PTPRR: variants seen among roughly 807,000 people sequenced by gnomAD.
PTPRR encodes protein tyrosine phosphatase receptor type R.
PTPRR carries 38 observed loss-of-function variants against 77.2 expected under a neutral mutation model. That is an observed-to-expected ratio of 0.49 (90% CI 0.38 to 0.65). PTPRR has a LOEUF of 0.65. Among genes scored for constraint, PTPRR ranks in the 30% least tolerant of loss-of-function variants. The pLI is 0.00. For missense variants in PTPRR, 744 were observed against 799.2 expected (o/e 0.93, Z 0.83); for synonymous variants, 299 against 283.1 (o/e 1.06, Z -0.57).
At chr12:70,805,544 A>G (rs1481280897) in intron 2 of PTPRR, among the ~76,000 whole-genome samples, 1 of 152,044 alleles carries the variant, frequency 6.6e-6, no homozygotes, top group African/African-American at 2.4e-5. Context: ...AAACTTGTGC[A>G]GAGATAGAGT....
intron 10 of PTPRR, among the ~76,000 whole-genome samples, chr12:70,670,507 T>G (rs1166952825): frequency 1.3e-5 from 2 of 152,230 alleles, no homozygotes; most frequent in Non-Finnish European, 2.9e-5. Context: ...ATAAACTGAA[T>G]TTATGTGTGT....
In PTPRR at chr12:70,663,945, A is replaced by G. The variant is rs185607223; in HGVS notation, c.1498-1340T>C. ...TTAAAAGAGCAGCAAAAGACTCACA[A>G]AATTATAGAACTGAAGGAAAAGTGA... On this transcript the variant is annotated intron_variant, in intron 10 of 13. Coordinates refer to ENST00000283228, the MANE Select transcript of PTPRR (RefSeq NM_002849.4). Among the ~76,000 whole-genome samples, 562 of 152,306 alleles carry G rather than the reference A, an allele frequency of 3.7e-3. 3 individuals carry two copies. Among genetic ancestry groups the G allele is most frequent in the African/African-American group, 0.013 (551 of 41,554 alleles).
intron 13 of PTPRR, among the ~76,000 whole-genome samples, chr12:70,640,912 T>C (rs1265969702): frequency 6.6e-6 from 1 of 152,140 alleles, no homozygotes; most frequent in Non-Finnish European, 1.5e-5. Context: ...AAATTCACAG[T>C]TTTTGGTGAC....
chr12:70,733,439 A>C (rs1889738014), intron 6 of PTPRR, among the ~76,000 whole-genome samples: 1 of 94,142 alleles, frequency 1.1e-5, no homozygotes, highest in African/African-American at 4.0e-5. Flanking sequence ...AAAAAAAAAA[A>C]AAAAAAGAAA....
Position 70,701,308 on chromosome 12 carries a change from T to C in PTPRR, c.1023A>G (p.Val341=). The change falls in exon 7 of 14, where the codon GTA becomes GTG. Residue 341 remains valine (V), a synonymous_variant. Coordinates refer to ENST00000283228, the MANE Select transcript of PTPRR (RefSeq NM_002849.4). The part of the protein sequence containing the change: ...IGLQERRGSN[V]SLTLDMSSLG... Reference sequence around the variant, plus strand: ...AGCTACTCATGTCCAATGTAAGAGATACGTTGGACCCTCTTCTACATTGGA... The same window carrying C: ...AGCTACTCATGTCCAATGTAAGAGACACGTTGGACCCTCTTCTACATTGGA... 6.2e-7 allele frequency: 1 copy of C among 1,613,850 alleles called. No individual in the cohort carries two copies. The highest frequency in any genetic ancestry group is 8.5e-7 in the Non-Finnish European group (1 of 1,179,844).
intron 2 of PTPRR, among the ~76,000 whole-genome samples, chr12:70,772,425 A>G (rs1046215071): frequency 6.6e-6 from 1 of 152,206 alleles, no homozygotes; most frequent in African/African-American, 2.4e-5. Flanking sequence ...AGGAAATACC[A>G]TAATATATCC....
intron 2 of PTPRR, among the ~76,000 whole-genome samples, chr12:70,869,876 C>T (rs1212337962): frequency 6.6e-6 from 1 of 152,176 alleles, no homozygotes; most frequent in Non-Finnish European, 1.5e-5. Context: ...ACTTCCAGAA[C>T]TATAAGATAA....
At chr12:70,906,591 TGTTA>T (rs2137132187) in intron 1 of PTPRR, among the ~76,000 whole-genome samples, 1 of 152,154 alleles carries the variant, frequency 6.6e-6, no homozygotes, top group Non-Finnish European at 1.5e-5. Flanking sequence ...TGACAACCAA[TGTTA>T]GTTAGGATAA....
chr12:70,808,983 A>G (rs1386656046), intron 2 of PTPRR, among the ~76,000 whole-genome samples: 3 of 152,038 alleles, frequency 2.0e-5, no homozygotes, highest in Admixed American at 2.0e-4. Context: ...TTCTATGTGG[A>G]GATAGTATAG....
chr12:70,799,705 A>C (rs927593267), intron 2 of PTPRR, among the ~76,000 whole-genome samples: 1 of 152,228 alleles, frequency 6.6e-6, no homozygotes, highest in Admixed American at 6.5e-5. Flanking sequence ...AGAGCACTCT[A>C]AATGTTTGAT....
intron 6 of PTPRR, among the ~76,000 whole-genome samples, chr12:70,737,272 G>T (rs1379448836): frequency 6.6e-6 from 1 of 151,982 alleles, no homozygotes; most frequent in Non-Finnish European, 1.5e-5. Flanking sequence ...CCACCTCTTT[G>T]CTTGTCCTCT....
chr12:70,763,210 C>T (rs1055791381), intron 3 of PTPRR, among the ~76,000 whole-genome samples: 8 of 152,016 alleles, frequency 5.3e-5, no homozygotes, highest in African/African-American at 1.4e-4. Flanking sequence ...CTCACTGCAA[C>T]TTCCACCTCC....
At chr12:70,786,593 C>T (rs777456400) in intron 2 of PTPRR, among the ~76,000 whole-genome samples, 1 of 152,070 alleles carries the variant, frequency 6.6e-6, no homozygotes, top group African/African-American at 2.4e-5. Context: ...GCACAGAGAC[C>T]ACACAAGCTC....
chr12:70,913,929 A>G (rs2137139199), intron 1 of PTPRR, among the ~76,000 whole-genome samples: 1 of 152,324 alleles, frequency 6.6e-6, no homozygotes. Flanking sequence ...GAATAAGTAT[A>G]TAGAAATAAA....
intron 6 of PTPRR, among the ~76,000 whole-genome samples, chr12:70,721,910 A>C (rs985641833): frequency 4.6e-5 from 7 of 152,180 alleles, no homozygotes; most frequent in African/African-American, 1.7e-4. Flanking sequence ...CATGCTGACC[A>C]ATTCATTAGA....
At chr12:70,767,838 G>C (rs60835471) in intron 2 of PTPRR, among the ~76,000 whole-genome samples, 3,710 of 152,046 alleles carry the variant, frequency 0.024, 51 homozygotes, top group Admixed American at 0.033. Flanking sequence ...TGCAATCAAA[G>C]TAGAACTCAG....
intron 6 of PTPRR, among the ~76,000 whole-genome samples, chr12:70,729,999 CA>C (rs1889595854): frequency 6.6e-6 from 1 of 151,470 alleles, no homozygotes; most frequent in African/African-American, 2.4e-5. Context: ...TAGTGGATGA[CA>C]AAAAAACAAT....
chr12:70,769,976 A>T (rs1890929950), intron 2 of PTPRR, among the ~76,000 whole-genome samples: 1 of 152,158 alleles, frequency 6.6e-6, no homozygotes, highest in African/African-American at 2.4e-5. Context: ...CTGAAACTGG[A>T]TCCCTTCCTT....
At chr12:70,868,330 C>G (rs1892895541) in intron 2 of PTPRR, among the ~76,000 whole-genome samples, 1 of 140,862 alleles carries the variant, frequency 7.1e-6, no homozygotes, top group Middle Eastern at 3.5e-3. Flanking sequence ...TGAACTCAAA[C>G]AAATTTACAA....
Sources: allele counts gnomAD v4.1 joint callset (sites outside exome capture counted in the v4.1 genomes callset), GRCh38; gene constraint gnomAD v4.1.1; transcripts MANE v1.5; gene names NCBI Gene and HGNC (gene_info 2026-07-23, HGNC 2026-07-21).